Variants in ITSN1 observed in about 807,000 individuals in gnomAD.
ITSN1 encodes intersectin-1.
In ITSN1, 58 loss-of-function variants were observed where a neutral mutation model predicts 239.8. That is an observed-to-expected ratio of 0.24 (90% CI 0.20 to 0.30). ITSN1 has a LOEUF of 0.30. Ranked by LOEUF, ITSN1 falls within the 10% of genes least tolerant of loss-of-function variation. ITSN1 has a pLI of 1.00. For synonymous variants in ITSN1, 780 were observed against 770.8 expected (o/e 1.01, Z -0.20); for missense variants, 1,558 against 2,103.3 (o/e 0.74, Z 5.07).
chr21:33,815,465 A>T (rs992248639), intron 22 of ITSN1, among the ~76,000 whole-genome samples: 5 of 152,202 alleles, frequency 3.3e-5, no homozygotes, highest in Admixed American at 1.3e-4. Flanking sequence ...TGGTCAGGGC[A>T]AAGAAGAGAC....
chr21:33,856,521 A>T (rs1979374222), intron 29 of ITSN1, among the ~76,000 whole-genome samples: 1 of 152,168 alleles, frequency 6.6e-6, no homozygotes, highest in Non-Finnish European at 1.5e-5. Context: ...TCTTAATTTG[A>T]TTATATATGA....
chr21:33,659,152 G>C (rs2089340431), intron 1 of ITSN1, among the ~76,000 whole-genome samples: 1 of 152,208 alleles, frequency 6.6e-6, no homozygotes, highest in African/African-American at 2.4e-5. Context: ...CAATGAAATT[G>C]CAAACGAAAG....
intron 16 of ITSN1, among the ~76,000 whole-genome samples, chr21:33,784,351 ACAC>A (rs962924457): frequency 2.1e-5 from 3 of 143,034 alleles, no homozygotes; most frequent in Non-Finnish European, 4.6e-5. Context: ...ACACACACAC[ACAC>A]TAGTCAGGTA....
Position 33,750,170 on chromosome 21 carries a change from C to T in ITSN1, c.374C>T (p.Pro125Leu), listed in dbSNP as rs200423943. 35 of 1,614,016 alleles carry T rather than the reference C, an allele frequency of 2.2e-5. No homozygotes were observed. The highest frequency in any genetic ancestry group is 6.7e-5 in the East Asian group (3 of 44,872). ...FGMGGIASMP[P>L]LTAVAPVPMG... ...ATGGGAGGTATCGCCAGCATGCCACCGCTTACAGCTGTTGCTCCAGTGCCA... is the reference window on the plus strand; with the variant it reads ...ATGGGAGGTATCGCCAGCATGCCACTGCTTACAGCTGTTGCTCCAGTGCCA... Residue 125 changes from proline (P) to leucine (L), a missense_variant, in exon 6 of 40, where the codon CCG (proline) becomes CTG (leucine). Physicochemically the swap from Pro to Leu is moderately conservative, Grantham distance 98. Around this residue, in one of 2 missense-constraint regions of ITSN1, gnomAD observed 982 missense variants for 1,209.9 expected, o/e 0.81. Coordinates refer to ENST00000381318, the MANE Select transcript of ITSN1 (RefSeq NM_003024.3).
intron 1 of ITSN1, among the ~76,000 whole-genome samples, chr21:33,710,883 GC>G (rs1387840329): frequency 6.7e-6 from 1 of 149,878 alleles, no homozygotes; most frequent in East Asian, 2.0e-4. Context: ...TCGGCTCACT[GC>G]AACCTCCGCC....
At chr21:33,838,380 A>C in intron 29 of ITSN1, 3 of 985,170 alleles carry the variant, frequency 3.0e-6, no homozygotes, top group Non-Finnish European at 2.4e-6. Context: ...GCACTTCAGT[A>C]TTTTCACGGA....
chr21:33,681,656 A>C (rs1192226448), intron 1 of ITSN1, among the ~76,000 whole-genome samples: 3 of 116,174 alleles, frequency 2.6e-5, no homozygotes, highest in Non-Finnish European at 5.7e-5. Flanking sequence ...ATTTTATTTT[A>C]TTTTTTGTTT....
chr21:33,646,152 C>T (rs539671839), intron 1 of ITSN1, among the ~76,000 whole-genome samples: 114 of 152,288 alleles, frequency 7.5e-4, no homozygotes, highest in Middle Eastern at 3.4e-3. Context: ...TTAGTAGTCA[C>T]TGATTTTATA....
chr21:33,758,394 C>T (rs1044066074), intron 8 of ITSN1, among the ~76,000 whole-genome samples: 8 of 152,202 alleles, frequency 5.3e-5, no homozygotes, highest in African/African-American at 9.6e-5. Context: ...GGATTATAGG[C>T]GTGAGCCACC....
At chr21:33,681,275 A>G (rs2090936496) in intron 1 of ITSN1, among the ~76,000 whole-genome samples, 1 of 152,246 alleles carries the variant, frequency 6.6e-6, no homozygotes, top group African/African-American at 2.4e-5. Context: ...GGGGGCAGGC[A>G]GGAAGCTCTG....
chr21:33,727,892 C>T (rs990199688), intron 4 of ITSN1, among the ~76,000 whole-genome samples: 1 of 152,084 alleles, frequency 6.6e-6, no homozygotes, highest in African/African-American at 2.4e-5. Context: ...CCTGGGCCCA[C>T]TGTTCGAGCA....
chr21:33,882,118 C>G lies in ITSN1; in HGVS notation c.4342-125C>G. On this transcript the variant is annotated intron_variant, in intron 34 of 39. Transcript: ENST00000381318. The surrounding 1 kb of genome is among the most constrained non-coding windows in gnomAD (Gnocchi z 4.5). ...TCTCTTGGCTCCAAAGTCTTCAAAG[C>G]TATCCTTGACTTTTGCCTGAGATCC... The G allele has an allele frequency of 1.3e-6, 1 of 751,762 alleles. No homozygotes were observed. Among genetic ancestry groups the G allele is most frequent in the Non-Finnish European group, 2.1e-6 (1 of 465,642 alleles). The allele number at this position is 751,762 out of a possible 1,614,324, so 46.6% of individuals were successfully genotyped here.
intron 34 of ITSN1, among the ~76,000 whole-genome samples, chr21:33,876,102 CTTCTTTCTTTCTTTCT>C (rs750725563): frequency 0.032 from 3,499 of 110,068 alleles, 88 homozygotes; most frequent in Admixed American, 0.055. Context: ...TCTTTCTTTC[CTTCTTTCTTTCTTTCT>C]TTCTTTCTTT....
At chr21:33,841,911 C>T (rs919458270) in intron 29 of ITSN1, among the ~76,000 whole-genome samples, 2 of 150,804 alleles carry the variant, frequency 1.3e-5, no homozygotes, top group East Asian at 1.9e-4. Flanking sequence ...GTGAATGTTC[C>T]GCTTCAGCCA....
rs1310414147 is a variant in ITSN1 at position 33,823,484 on chromosome 21, C to T, written c.3017-3C>T. On this transcript the variant is annotated splice_polypyrimidine_tract_variant and splice_region_variant and intron_variant, in intron 24 of 39. Coordinates refer to ENST00000381318, the MANE Select transcript of ITSN1 (RefSeq NM_003024.3). ...TCCGTATCTCAATATTTCTCCCCAC[C>T]AGAATTTATTGCCATGTACACTTAC... 6.2e-7 allele frequency: 1 copy of T among 1,611,732 alleles called. No homozygotes were observed. Among genetic ancestry groups the T allele is most frequent in the Admixed American group, 1.7e-5 (1 of 59,742 alleles).
At chr21:33,762,547 G>A (rs1192628542) in intron 9 of ITSN1, among the ~76,000 whole-genome samples, 1 of 152,144 alleles carries the variant, frequency 6.6e-6, no homozygotes, top group Non-Finnish European at 1.5e-5. Context: ...TTACAGGCGT[G>A]AGCCACCATG....
intron 7 of ITSN1, among the ~76,000 whole-genome samples, 178 bp from the exon 8 acceptor site, chr21:33,755,119 C>G (rs2067821630): frequency 6.6e-6 from 1 of 151,956 alleles, no homozygotes; most frequent in African/African-American, 2.4e-5. Flanking sequence ...TGTTTATGAT[C>G]TTAAAAATGG....
intron 29 of ITSN1, chr21:33,837,827 T>G: frequency 1.0e-6 from 1 of 985,914 alleles, no homozygotes; most frequent in Non-Finnish European, 1.2e-6. Flanking sequence ...GTGTTTTGTT[T>G]GGGGTTTTTA....
intron 1 of ITSN1, chr21:33,643,414 C>T (rs986307824): frequency 1.3e-5 from 2 of 152,164 alleles, no homozygotes; most frequent in Admixed American, 6.5e-5. Flanking sequence ...AATTGCAGTC[C>T]CTTGCTTGCA....
Sources: gnomAD v4.1 joint callset for allele counts (sites outside exome capture counted in the v4.1 genomes callset) on GRCh38, gnomAD v4.1.1 for gene constraint, gnomAD v4.1.1 regional missense constraint, Gnocchi (gnomAD v3.1) non-coding constraint, MANE v1.5 for transcripts, NCBI Gene and HGNC (gene_info 2026-07-23, HGNC 2026-07-21) for gene names.